The following KMT5A variants were observed in gnomAD, a reference collection of about 807,000 sequenced individuals.
KMT5A encodes the protein N-lysine methyltransferase KMT5A.
KMT5A carries 6 observed loss-of-function variants against 40.6 expected under a neutral mutation model. The observed-to-expected ratio is 0.15, with a 90% CI of 0.08 to 0.29. KMT5A has a LOEUF of 0.29. Among genes scored for constraint, KMT5A ranks in the 10% least tolerant of loss-of-function variants. KMT5A has a pLI of 1.00. For missense variants in KMT5A, 308 were observed against 459.1 expected (o/e 0.67, Z 3.01); for synonymous variants, 153 against 178.8 (o/e 0.86, Z 1.15).
chr12:123,408,569 T>C lies in KMT5A; in HGVS notation c.*866T>C. On this transcript the variant is annotated 3_prime_UTR_variant, in exon 8 of 8. Transcript: ENST00000402868. ...CTTGAAGTGAGTGAAGTGGCTGCTT[T>C]TTTTTTTTTTTTTTTTTGCTTTTTT... The C allele has an allele frequency of 8.1e-6, 1 of 123,748 alleles. No homozygotes were observed. Among genetic ancestry groups the C allele is most frequent in the African/African-American group, 4.5e-5 (1 of 21,992 alleles). The allele number at this position is 123,748 out of a possible 1,614,324, so 7.7% of individuals were successfully genotyped here.
At chr12:123,400,222 A>G (rs1020887398) in intron 5 of KMT5A, among the ~76,000 whole-genome samples, 1 of 145,734 alleles carries the variant, frequency 6.9e-6, no homozygotes, top group Non-Finnish European at 1.5e-5. Flanking sequence ...TTTTTAGTAG[A>G]GACGGGGTTT....
At chr12:123,393,598 G>A (rs1877470553) in intron 3 of KMT5A, among the ~76,000 whole-genome samples, 2 of 152,028 alleles carry the variant, frequency 1.3e-5, no homozygotes, top group African/African-American at 2.4e-5. Context: ...GGAGTACAAT[G>A]GTGCAATCTT....
chr12:123,401,324 AT>A (rs1878149868), intron 5 of KMT5A, among the ~76,000 whole-genome samples: 1 of 146,448 alleles, frequency 6.8e-6, no homozygotes, highest in Admixed American at 6.8e-5. Flanking sequence ...AATTTTTTGT[AT>A]TTTTAGTAGA....
At chr12:123,392,261 T>C (rs1417609796) in intron 3 of KMT5A, among the ~76,000 whole-genome samples, 1 of 152,216 alleles carries the variant, frequency 6.6e-6, no homozygotes, top group Non-Finnish European at 1.5e-5. Context: ...GCCCGGACTC[T>C]AGTCCTTTAA....
Position 123,384,319 on chromosome 12 carries a change from G to A in KMT5A, c.10+111G>A. The A allele has an allele frequency of 6.8e-7, 1 of 1,462,660 alleles. No individual in the cohort carries two copies. The highest frequency in any genetic ancestry group is 1.2e-5 in the South Asian group (1 of 83,732). The allele number at this position is 1,462,660 out of a possible 1,614,324, so 90.6% of individuals were successfully genotyped here. ...GAGGCGTCCTCCTCGGGTGGCTCGG[G>A]GCAAGCTTGGGGACCCGCGTGGGGG... On this transcript the variant is annotated intron_variant, in intron 1 of 7. Transcript: ENST00000402868. The surrounding 1 kb of genome is among the most constrained non-coding windows in gnomAD (Gnocchi z 5.7).
At chr12:123,407,067 G>C (rs1416477432) in intron 7 of KMT5A, among the ~76,000 whole-genome samples, 1 of 148,912 alleles carries the variant, frequency 6.7e-6, no homozygotes, top group Non-Finnish European at 1.5e-5. Context: ...GCCAGACCTG[G>C]TGGCTCGTGC....
At chr12:123,401,602 G>A (rs1381651897) in intron 5 of KMT5A, among the ~76,000 whole-genome samples, 1 of 151,376 alleles carries the variant, frequency 6.6e-6, no homozygotes, top group African/African-American at 2.4e-5. Flanking sequence ...TTCTTTTTGA[G>A]ATGGAGTCTT....
intron 7 of KMT5A, among the ~76,000 whole-genome samples, chr12:123,405,517 CTTTTTT>C (rs35093204): frequency 1.0e-4 from 8 of 78,046 alleles, no homozygotes; most frequent in Admixed American, 3.3e-4. Flanking sequence ...CGCCTGCTTC[CTTTTTT>C]TTTTTTTTTT....
In KMT5A at chr12:123,408,682, C is replaced by A; in HGVS notation, c.*979C>A. ...CCAGAAATTACTTACCTGACATCCA[C>A]CCCCATTCCCCCTCATCCTGCTGGG... On this transcript the variant is annotated 3_prime_UTR_variant, in exon 8 of 8. Coordinates refer to ENST00000402868, the MANE Select transcript of KMT5A (RefSeq NM_020382.7). 1 of 151,524 alleles carries A rather than the reference C, an allele frequency of 6.6e-6. No individual in the cohort carries two copies. The highest frequency in any genetic ancestry group is 1.5e-5 in the Non-Finnish European group (1 of 67,866). The allele number at this position is 151,524 out of a possible 1,614,324, so 9.4% of individuals were successfully genotyped here.
intron 5 of KMT5A, among the ~76,000 whole-genome samples, chr12:123,400,632 T>G (rs1878086858): frequency 6.6e-6 from 1 of 152,074 alleles, no homozygotes; most frequent in African/African-American, 2.4e-5. Context: ...GTGCTAGGAT[T>G]ACAGATGTGA....
chr12:123,400,283 C>A (rs537588041), intron 5 of KMT5A, among the ~76,000 whole-genome samples: 1 of 152,028 alleles, frequency 6.6e-6, no homozygotes, highest in African/African-American at 2.4e-5. Flanking sequence ...GATCCGCCCG[C>A]CTCGGCCTCC....
intron 2 of KMT5A, among the ~76,000 whole-genome samples, chr12:123,390,406 C>T (rs1484914471): frequency 6.6e-6 from 1 of 152,154 alleles, no homozygotes; most frequent in Non-Finnish European, 1.5e-5. Context: ...GCCAGCTGTC[C>T]CCTTAGTGAT....
At chr12:123,400,535 G>A (rs1197634587) in intron 5 of KMT5A, among the ~76,000 whole-genome samples, 6 of 151,182 alleles carry the variant, frequency 4.0e-5, no homozygotes, top group Non-Finnish European at 8.8e-5. Flanking sequence ...TAATTTTTGT[G>A]TTTTTAGTAG....
At position 123,400,371 on chromosome 12, in the gene KMT5A, T is replaced by A. The variant is rs572349616; in HGVS notation, c.598-3202T>A. Among the ~76,000 whole-genome samples the A allele has an allele frequency of 1.8e-4, 28 of 151,366 alleles. No homozygotes were observed. The East Asian group carries it at 5.1e-3, about 27-fold the overall frequency. ...AAAATGTTTTTATTTTGCAATTTTTTTTTTTTTGAGACAGAGTCTCACTCT... is the reference window on the plus strand; with the variant it reads ...AAAATGTTTTTATTTTGCAATTTTTATTTTTTTGAGACAGAGTCTCACTCT... On this transcript the variant is annotated intron_variant, in intron 5 of 7. Coordinates refer to ENST00000402868, the MANE Select transcript of KMT5A (RefSeq NM_020382.7).
chr12:123,385,875 CAAAAT>C (rs1169798950), intron 1 of KMT5A, among the ~76,000 whole-genome samples: 1 of 152,036 alleles, frequency 6.6e-6, no homozygotes, highest in East Asian at 1.9e-4. Flanking sequence ...AGAACAATAA[CAAAAT>C]AATAATAATT....
intron 7 of KMT5A, among the ~76,000 whole-genome samples, chr12:123,406,997 C>G: frequency 8.0e-6 from 1 of 124,604 alleles, no homozygotes; most frequent in Non-Finnish European, 1.6e-5. Flanking sequence ...GCCTGGGCGA[C>G]AGAGCGACGA....
Position 123,407,499 on chromosome 12 carries a change from T to C in KMT5A, c.855T>C (p.Asp285=). The stretch of plus-strand genomic sequence containing the variant: ...GGCCCTCCTTCCCCTCCAGCGTGGA[T>C]GCAACTAGAGAGACAAATCGCCTAG... The part of the protein sequence containing the change: ...FQYLSKTYCV[D]ATRETNRLGR... The change falls in exon 8 of 8, where the codon GAT becomes GAC. Residue 285 remains aspartate, a synonymous_variant. Coordinates refer to ENST00000402868, the MANE Select transcript of KMT5A (RefSeq NM_020382.7). The C allele has an allele frequency of 6.2e-7, 1 of 1,613,960 alleles. No homozygotes were observed.
intron 6 of KMT5A, among the ~76,000 whole-genome samples, chr12:123,404,249 C>CT (rs1878377039): frequency 6.6e-6 from 1 of 152,194 alleles, no homozygotes; most frequent in African/African-American, 2.4e-5. Flanking sequence ...GAAGTACTCT[C>CT]TACAGTGGGG....
At chr12:123,396,204 C>A in intron 4 of KMT5A, 141 bp from the exon 5 acceptor site, 1 of 713,330 alleles carries the variant, frequency 1.4e-6, no homozygotes, top group Non-Finnish European at 2.3e-6. Context: ...GAGTGACCTG[C>A]AGGCTCCAGT....
Sources: allele counts gnomAD v4.1 joint callset (sites outside exome capture counted in the v4.1 genomes callset), GRCh38; gene constraint gnomAD v4.1.1; non-coding constraint Gnocchi (gnomAD v3.1); transcripts MANE v1.5; gene names NCBI Gene and HGNC (gene_info 2026-07-23, HGNC 2026-07-21).